EXOC3L4: variants seen among roughly 807,000 people sequenced by gnomAD.
EXOC3L4 encodes the protein exocyst complex component 3 like 4.
Under a neutral mutation model 69.7 loss-of-function variants are expected in EXOC3L4, and 62 were observed. That is an observed-to-expected ratio of 0.89 (90% confidence interval 0.72 to 1.10). The LOEUF (loss-of-function observed/expected upper bound fraction) is 1.10. EXOC3L4 is among the 50% of genes least tolerant of loss of function. The probability of loss-of-function intolerance (pLI) is 0.00; values close to 1 mark genes in which losing one functional copy is unlikely to be tolerated. For missense variants in EXOC3L4, 1,087 were observed against 1,034.8 expected (o/e 1.05, Z -0.69); for synonymous variants, 502 against 464.2 (o/e 1.08, Z -1.05).
Position 103,107,679 on chromosome 14 carries a change from C to A in EXOC3L4, c.1750C>A (p.Arg584=). The change falls in exon 10 of 12, where the codon CGG becomes AGG. Residue 584 remains arginine (R), a synonymous_variant. Coordinates refer to ENST00000688303, the MANE Select transcript of EXOC3L4 (RefSeq NM_001077594.2). ...GTTCGTGGTCCGCGAGTACCTGGCG[C>A]GGGCGCTGAGGCCACGGGAGCGGTT... ...HRFVVREYLA[R]ALRPRERFRG... is the part of the protein sequence containing the mutation. 6.4e-7 allele frequency: 1 copy of A among 1,561,048 alleles called. No individual in the cohort carries two copies. The highest frequency in any genetic ancestry group is 8.7e-7 in the Non-Finnish European group (1 of 1,151,910).
intron 8 of EXOC3L4, 42 bp from the exon 9 acceptor site, chr14:103,107,382 G>A (rs969951691): frequency 1.3e-6 from 2 of 1,596,314 alleles, no homozygotes; most frequent in African/African-American, 1.3e-5. Flanking sequence ...TACGTTGCGG[G>A]CGTAGTGCAC....
At position 103,104,029 on chromosome 14, in the gene EXOC3L4, A is replaced by T; in HGVS notation, c.1138A>T (p.Ser380Cys). 4.4e-6 allele frequency: 7 copies of T among 1,577,240 alleles called. No individual in the cohort carries two copies. Among genetic ancestry groups the T allele is most frequent in the Non-Finnish European group, 3.4e-6 (4 of 1,166,462 alleles). Reference sequence around the variant, plus strand: ...GCCGGACGTGTGGGCCCGACTGGAGAGCGACTACACCAGCTTCCTGGAGGT... The same window carrying T: ...GCCGGACGTGTGGGCCCGACTGGAGTGCGACTACACCAGCTTCCTGGAGGT... Reference protein sequence around the residue: ...LAPDVWARLESDYTSFLEAKI... With the variant: ...LAPDVWARLECDYTSFLEAKI... Residue 380 changes from serine (S) to cysteine (C), a missense_variant, in exon 4 of 12, where the codon AGC becomes TGC. By Grantham distance (112) the Ser-to-Cys change is moderately radical (BLOSUM62 -1). Transcript: ENST00000688303.
chr14:103,106,699 C>CT (rs1477588083), intron 7 of EXOC3L4, 86 bp from the exon 8 acceptor site: 24 of 791,572 alleles, frequency 3.0e-5, no homozygotes, highest in Non-Finnish European at 4.2e-5. Context: ...ACATTGTAGT[C>CT]TAAGTGAGTG....
chr14:103,106,469 G>A (rs971007280), intron 7 of EXOC3L4, among the ~76,000 whole-genome samples: 2 of 152,218 alleles, frequency 1.3e-5, no homozygotes, highest in East Asian at 1.9e-4. Flanking sequence ...ACCTTCAGGG[G>A]GCAGTTATAA....
intron 1 of EXOC3L4, among the ~76,000 whole-genome samples, chr14:103,095,874 T>G (rs911107430): frequency 6.6e-6 from 1 of 152,236 alleles, no homozygotes; most frequent in South Asian, 2.1e-4. Context: ...CTATGAATAA[T>G]GACAGTTTAA....
chr14:103,105,699 G>T (rs915960947), intron 7 of EXOC3L4, among the ~76,000 whole-genome samples: 2 of 152,196 alleles, frequency 1.3e-5, no homozygotes, highest in African/African-American at 4.8e-5. Context: ...TGTGTCCCCA[G>T]AAGGCAGACG....
At chr14:103,105,096 G>T in intron 7 of EXOC3L4, 24 bp downstream of exon 7, 1 of 1,581,264 alleles carries the variant, frequency 6.3e-7, no homozygotes. Flanking sequence ...GCTCCTGTGC[G>T]GGCGCAGCGT....
rs1465643734 is a variant in EXOC3L4, at chr14:103,100,323, G to A, written c.104G>A (p.Arg35Lys). 3 of 1,592,122 alleles carry A rather than the reference G, an allele frequency of 1.9e-6. No individual in the cohort carries two copies. Reference protein sequence around the residue: ...PAQGSRRTSSRKEPNAHRKDG... With the variant: ...PAQGSRRTSSKKEPNAHRKDG... ...CAGGGCTCCCGGCGAACAAGCAGCA[G>A]GAAAGAGCCCAATGCCCACCGCAAG... The change falls in exon 2 of 12, where the codon AGG (arginine) becomes AAG (lysine). Residue 35 changes from arginine (R) to lysine (K), a missense_variant. Coordinates refer to ENST00000688303, the MANE Select transcript of EXOC3L4 (RefSeq NM_001077594.2).
chr14:103,103,368 A>AAAAAGAAAG (rs1358354757), intron 3 of EXOC3L4, among the ~76,000 whole-genome samples: 1 of 146,120 alleles, frequency 6.8e-6, no homozygotes, highest in Non-Finnish European at 1.5e-5. Flanking sequence ...AAAAAAAAAA[A>AAAAAGAAAG]AAAGAAAGAA....
intron 5 of EXOC3L4, 157 bp downstream of exon 5, chr14:103,104,546 C>T: frequency 3.0e-6 from 4 of 1,314,544 alleles, no homozygotes. Flanking sequence ...ACCCCCGGCG[C>T]GCCGACGGGC....
At chr14:103,109,185 C>T (rs1173676000) in intron 11 of EXOC3L4, among the ~76,000 whole-genome samples, 2 of 121,018 alleles carry the variant, frequency 1.7e-5, no homozygotes, top group African/African-American at 7.0e-5. Context: ...GTCTCCCTCT[C>T]TCCCTCGCCA....
intron 1 of EXOC3L4, among the ~76,000 whole-genome samples, chr14:103,096,381 G>GT (rs1352433378): frequency 7.2e-6 from 1 of 139,586 alleles, no homozygotes; most frequent in African/African-American, 2.7e-5. Context: ...AACAAAGGAG[G>GT]TTGACGTTTT....
At chr14:103,094,654 AG>A (rs1456450719), upstream of EXOC3L4, 1 of 113,260 alleles carries the variant, frequency 8.8e-6, no homozygotes, top group Non-Finnish European at 1.8e-5. Context: ...GTCCTGGTGG[AG>A]GGTAGGGCTG....
intron 3 of EXOC3L4, 139 bp from the exon 4 acceptor site, chr14:103,103,802 G>GTC: frequency 1.8e-6 from 1 of 555,394 alleles, no homozygotes; most frequent in Non-Finnish European, 3.2e-6. Context: ...GCGCGCGTGT[G>GTC]TGTGTGTGTG....
Position 103,103,951 on chromosome 14 carries a change from C to T in EXOC3L4, c.1060C>T (p.Leu354=). The change falls in exon 4 of 12, where the codon CTG becomes TTG. Residue 354 remains leucine (L), a synonymous_variant. Transcript: ENST00000688303. ...TGCCCTGTCTTCCAGTCCTGACTTCCTGGGCGCCCCGGGGCTGGCGCTGCC... is the reference window on the plus strand; with the variant it reads ...TGCCCTGTCTTCCAGTCCTGACTTCTTGGGCGCCCCGGGGCTGGCGCTGCC... ...AANVYGSPDF[L]GAPGLALPAE... is the part of the protein sequence containing the mutation. The T allele has an allele frequency of 6.5e-7, 1 of 1,543,846 alleles. No homozygotes were observed. Among genetic ancestry groups the T allele is most frequent in the Non-Finnish European group, 8.7e-7 (1 of 1,150,212 alleles).
intron 9 of EXOC3L4, 29 bp downstream of exon 9, chr14:103,107,572 G>C (rs765446320): frequency 6.2e-7 from 1 of 1,612,498 alleles, no homozygotes; most frequent in Admixed American, 1.7e-5. Flanking sequence ...CCCTGGCAGG[G>C]CTGTGCCCAG....
Position 103,102,631 on chromosome 14 carries a change from C to T in EXOC3L4, c.908C>T (p.Ala303Val), listed in dbSNP as rs887081848. 1.1e-5 allele frequency: 16 copies of T among 1,498,260 alleles called. No homozygotes were observed. Among genetic ancestry groups the T allele is most frequent in the African/African-American group, 5.8e-5 (4 of 69,064 alleles). 92.8% of individuals were successfully genotyped at this position (1,498,260 alleles called of 1,614,324 possible). Residue 303 changes from alanine (A) to valine (V), a missense_variant, in exon 3 of 12, where the codon GCG (alanine) becomes GTG (valine). Coordinates refer to ENST00000688303, the MANE Select transcript of EXOC3L4 (RefSeq NM_001077594.2). ...VRQEVQPAYAAAGFPAWEVYL... is the reference protein window; with the variant it reads ...VRQEVQPAYAVAGFPAWEVYL... ...CAGGAGGTGCAGCCCGCGTATGCGG[C>T]GGCCGGCTTCCCAGCGTGGGAGGTC... is the stretch of plus-strand genomic sequence containing the variant.
At position 103,107,508 on chromosome 14, in the gene EXOC3L4, G is replaced by C. The variant is rs201757868; in HGVS notation, c.1666G>C (p.Gly556Arg). 36 of 1,613,782 alleles carry C rather than the reference G, an allele frequency of 2.2e-5. No individual in the cohort carries two copies. The highest frequency in any genetic ancestry group is 3.0e-5 in the Non-Finnish European group (35 of 1,180,026). ...CATGGACAAGGTGGTGACCTTCGCC[G>C]GTCATCTCCAGCGTGTGGCCCGGCC... ...PLMDKVVTFA[G>R]HLQRVARPRA... Residue 556 changes from glycine to arginine, a missense_variant, in exon 9 of 12, where the codon GGT becomes CGT. By Grantham distance (125) the Gly-to-Arg change is moderately radical (BLOSUM62 -2). Transcript: ENST00000688303.
chr14:103,110,271 C>G lies in EXOC3L4; in HGVS notation c.*48C>G. On this transcript the variant is annotated 3_prime_UTR_variant, in exon 12 of 12. Coordinates refer to ENST00000688303, the MANE Select transcript of EXOC3L4 (RefSeq NM_001077594.2). ...CCGGCCGCTGGCAGGGAGCTGTGGTCAGTGGGGGTCAGCCAGGAGCCCAGG... is the reference window on the plus strand; with the variant it reads ...CCGGCCGCTGGCAGGGAGCTGTGGTGAGTGGGGGTCAGCCAGGAGCCCAGG... 1 of 1,497,002 alleles carries G rather than the reference C, an allele frequency of 6.7e-7. No individual in the cohort carries two copies. The highest frequency in any genetic ancestry group is 1.3e-5 in the South Asian group (1 of 78,064). The allele number at this position is 1,497,002 out of a possible 1,614,324, so 92.7% of individuals were successfully genotyped here. A position where few individuals can be genotyped will look rare whatever the true frequency, so the allele number is the denominator to read the frequency against.
Sources: gnomAD v4.1 joint callset for allele counts (sites outside exome capture counted in the v4.1 genomes callset) on GRCh38, gnomAD v4.1.1 for gene constraint, MANE v1.5 for transcripts, NCBI Gene and HGNC (gene_info 2026-07-23, HGNC 2026-07-21) for gene names.